Variants in CEP112 observed in about 807,000 individuals in gnomAD.
The protein encoded by CEP112 is centrosomal protein 112.
CEP112 carries 127 observed loss-of-function variants against 153.0 expected under a neutral mutation model. That is an observed-to-expected ratio of 0.83 (90% CI 0.72 to 0.96). CEP112 has a LOEUF of 0.96. Ranked by LOEUF, CEP112 falls within the 40% of genes least tolerant of loss-of-function variation. The probability of loss-of-function intolerance (pLI) is 0.00; values close to 1 mark genes in which losing one functional copy is unlikely to be tolerated. For synonymous variants in CEP112, 358 were observed against 374.4 expected (o/e 0.96, Z 0.51); for missense variants, 1,089 against 1,101.2 (o/e 0.99, Z 0.16).
At chr17:66,035,212 G>T (rs189848426) in intron 12 of CEP112, among the ~76,000 whole-genome samples, 2 of 151,832 alleles carry the variant, frequency 1.3e-5, no homozygotes, top group East Asian at 3.9e-4. Flanking sequence ...GAAGAGATTT[G>T]TGACTAAAAT....
At chr17:65,927,955 TAATA>T (rs1422922882) in intron 18 of CEP112, among the ~76,000 whole-genome samples, 5 of 152,192 alleles carry the variant, frequency 3.3e-5, no homozygotes, top group African/African-American at 4.8e-5. Context: ...TAAGGCATTC[TAATA>T]TTTATTGAAC....
At chr17:66,138,705 CATA>C (rs1399760279) in intron 4 of CEP112, among the ~76,000 whole-genome samples, 3 of 151,154 alleles carry the variant, frequency 2.0e-5, no homozygotes, top group African/African-American at 7.3e-5. Flanking sequence ...GTACACAAAA[CATA>C]AAAAAAAAGA....
chr17:65,783,446 C>T (rs139410458), intron 21 of CEP112, among the ~76,000 whole-genome samples: 28 of 152,228 alleles, frequency 1.8e-4, no homozygotes, highest in Middle Eastern at 3.4e-3. Context: ...GGTAAATACT[C>T]CAAAGAACTG....
intron 19 of CEP112, among the ~76,000 whole-genome samples, chr17:65,904,947 T>G (rs1200505941): frequency 1.3e-5 from 2 of 152,054 alleles, no homozygotes; most frequent in Non-Finnish European, 2.9e-5. Context: ...TATACAAAAA[T>G]TAACTCAAGA....
intron 6 of CEP112, among the ~76,000 whole-genome samples, chr17:66,109,647 A>C (rs73353839): frequency 1.3e-5 from 2 of 152,016 alleles, no homozygotes; most frequent in African/African-American, 4.8e-5. Context: ...TGAAAAAAAA[A>C]TAGAGAGTAG....
rs1356302791 is a variant in CEP112 at position 65,911,189 on chromosome 17, A to G, written c.1981-8855T>C. Among the ~76,000 whole-genome samples the G allele has an allele frequency of 2.0e-5, 3 of 152,340 alleles. No homozygotes were observed. The South Asian group carries it at 6.2e-4, about 32-fold the overall frequency. On this transcript the variant is annotated intron_variant, in intron 19 of 26. Coordinates refer to ENST00000535342, the MANE Select transcript of CEP112 (RefSeq NM_001199165.4). ...GTAGTCAATAATAGATCAAAATAAG[A>G]ACTCAGGTATGAAGTTGTGCAAAAA...
At chr17:66,091,543 G>A (rs2068132087) in intron 8 of CEP112, among the ~76,000 whole-genome samples, 1 of 152,072 alleles carries the variant, frequency 6.6e-6, no homozygotes, top group Admixed American at 6.5e-5. Context: ...AGCAAAAGCA[G>A]TTCTAAGAAA....
At chr17:65,902,801 A>G (rs1404389876) in intron 19 of CEP112, among the ~76,000 whole-genome samples, 1 of 152,222 alleles carries the variant, frequency 6.6e-6, no homozygotes, top group Non-Finnish European at 1.5e-5. Context: ...TCTTTTAAAA[A>G]ATAAAATGAT....
rs370602189 is a variant in CEP112, at chr17:65,927,699, T to G, written c.1873-10A>C. 4.7e-6 allele frequency: 7 copies of G among 1,490,650 alleles called. No individual in the cohort carries two copies. In the African/African-American group the frequency reaches 8.5e-5, roughly 18 times the overall value. The allele number at this position is 1,490,650 out of a possible 1,614,324, so 92.3% of individuals were successfully genotyped here. A position where few individuals can be genotyped will look rare whatever the true frequency, so the allele number is the denominator to read the frequency against. On this transcript the variant is annotated splice_polypyrimidine_tract_variant and intron_variant, in intron 18 of 26. Coordinates refer to ENST00000535342, the MANE Select transcript of CEP112 (RefSeq NM_001199165.4). ...CCTCCACTTTTTCCATCTATAAAAT[T>G]TAAAAATCAAATATTAATTTTTTAA...
intron 21 of CEP112, among the ~76,000 whole-genome samples, chr17:65,796,699 ATG>A (rs900308455): frequency 6.6e-6 from 1 of 152,040 alleles, no homozygotes; most frequent in Non-Finnish European, 1.5e-5. Context: ...GTAAAAATGT[ATG>A]TGTCTTTAAT....
intron 20 of CEP112, among the ~76,000 whole-genome samples, chr17:65,895,088 T>C (rs1327602972): frequency 6.6e-6 from 1 of 152,100 alleles, no homozygotes; most frequent in Non-Finnish European, 1.5e-5. Flanking sequence ...AATGTGCTCA[T>C]ACACTAGCAG....
chr17:65,964,399 T>C lies in CEP112; in HGVS notation c.1737-2801A>G, dbSNP rs549996691. Among the ~76,000 whole-genome samples the C allele has an allele frequency of 4.6e-5, 7 of 152,316 alleles. No homozygotes were observed. In the East Asian group the frequency reaches 9.6e-4, roughly 21 times the overall value. On this transcript the variant is annotated intron_variant, in intron 17 of 26. Coordinates refer to ENST00000535342, the MANE Select transcript of CEP112 (RefSeq NM_001199165.4). ...TATAAAGAATTTTAAATTGTTCTGG[T>C]GCATTTTCACTCTTTCTATATTATT...
chr17:65,697,366 G>C (rs1281605693), intron 23 of CEP112, among the ~76,000 whole-genome samples: 1 of 152,100 alleles, frequency 6.6e-6, no homozygotes, highest in Non-Finnish European at 1.5e-5. Context: ...CTCCAATTCA[G>C]TCTATTAACT....
At chr17:65,731,947 A>C (rs2145010044) in intron 23 of CEP112, among the ~76,000 whole-genome samples, 2 of 122,242 alleles carry the variant, frequency 1.6e-5, no homozygotes, top group South Asian at 7.1e-4. Flanking sequence ...GAAAGTTGGA[A>C]TCAACTTCTT....
intron 20 of CEP112, among the ~76,000 whole-genome samples, chr17:65,859,852 C>CAAAAAAAA (rs573790538): frequency 2.0e-5 from 2 of 100,360 alleles, no homozygotes; most frequent in Non-Finnish European, 4.0e-5. Flanking sequence ...ACTAAAAATA[C>CAAAAAAAA]AAAAAAAAAA....
At chr17:65,714,193 A>AAC in intron 23 of CEP112, among the ~76,000 whole-genome samples, 1 of 152,082 alleles carries the variant, frequency 6.6e-6, no homozygotes, top group Non-Finnish European at 1.5e-5. Flanking sequence ...TACATAGGTA[A>AAC]ACACACACAC....
intron 20 of CEP112, among the ~76,000 whole-genome samples, chr17:65,887,639 G>A (rs945340735): frequency 6.6e-5 from 10 of 152,152 alleles, no homozygotes; most frequent in African/African-American, 2.4e-4. Context: ...TAGGGCTCAG[G>A]CAGGGATGCA....
At chr17:65,699,642 G>A (rs2048525070) in intron 23 of CEP112, among the ~76,000 whole-genome samples, 1 of 151,992 alleles carries the variant, frequency 6.6e-6, no homozygotes, top group African/African-American at 2.4e-5. Flanking sequence ...TTGAAGAGAT[G>A]GGGGTCTCAC....
chr17:66,088,542 G>C (rs1163029159), intron 8 of CEP112, among the ~76,000 whole-genome samples: 1 of 152,038 alleles, frequency 6.6e-6, no homozygotes, highest in Non-Finnish European at 1.5e-5. Flanking sequence ...CTGGCCCCAG[G>C]CTCCAAGCAT....
Sources: gnomAD v4.1 joint callset for allele counts (sites outside exome capture counted in the v4.1 genomes callset) on GRCh38, gnomAD v4.1.1 for gene constraint, MANE v1.5 for transcripts, NCBI Gene and HGNC (gene_info 2026-07-23, HGNC 2026-07-21) for gene names.